The following WWOX variants were observed in gnomAD, a reference collection of about 807,000 sequenced individuals.
WWOX encodes the protein WW domain-containing oxidoreductase.
In WWOX, 69 loss-of-function variants were observed where a neutral mutation model predicts 46.2. The observed-to-expected ratio is 1.49, with a 90% CI of 1.23 to 1.82. WWOX has a LOEUF of 1.82. Ranked by LOEUF, WWOX falls within the 40% of genes most tolerant of loss-of-function variation. The probability of loss-of-function intolerance (pLI) is 0.00; values close to 1 mark genes in which losing one functional copy is unlikely to be tolerated. For synonymous variants in WWOX, 359 were observed against 202.6 expected (o/e 1.77, Z -6.56); for missense variants, 919 against 542.6 (o/e 1.69, Z -6.89).
At chr16:78,131,957 G>A (rs2033612510) in intron 4 of WWOX, among the ~76,000 whole-genome samples, 1 of 149,912 alleles carries the variant, frequency 6.7e-6, no homozygotes, top group South Asian at 2.1e-4. Context: ...AAGAACTTTT[G>A]CTATTTTGAA....
At chr16:78,648,079 C>A (rs2046884652) in intron 8 of WWOX, among the ~76,000 whole-genome samples, 1 of 152,160 alleles carries the variant, frequency 6.6e-6, no homozygotes, top group Admixed American at 6.5e-5. Flanking sequence ...GTGTGTGCCA[C>A]CTTGGAGAAG....
chr16:78,514,427 G>A (rs1040654257), intron 8 of WWOX, among the ~76,000 whole-genome samples: 7 of 152,144 alleles, frequency 4.6e-5, no homozygotes, highest in African/African-American at 7.2e-5. Context: ...GCTTGACAAA[G>A]GATAGATACA....
rs11859380 is a variant in WWOX at position 78,922,072 on chromosome 16, C to G, written c.1057-289536C>G. Among the ~76,000 whole-genome samples the G allele has an allele frequency of 6.7e-3, 1,025 of 152,238 alleles. 9 individuals carry two copies. Among genetic ancestry groups the G allele is most frequent in the African/African-American group, 0.024 (991 of 41,550 alleles). ...TGTGGCAGTATGCATGGAATATTGT[C>G]AGACAGAGAAACTCACCTGAGCCTC... is the stretch of plus-strand genomic sequence containing the variant. On this transcript the variant is annotated intron_variant, in intron 8 of 8. Transcript: ENST00000566780.
intron 5 of WWOX, among the ~76,000 whole-genome samples, chr16:78,359,344 G>C (rs1178358628): frequency 1.3e-5 from 2 of 152,146 alleles, no homozygotes; most frequent in African/African-American, 4.8e-5. Context: ...AAAGCTCTCA[G>C]GCTAATTAGT....
intron 8 of WWOX, among the ~76,000 whole-genome samples, chr16:78,566,451 T>C (rs1261131806): frequency 1.3e-5 from 2 of 152,252 alleles, no homozygotes; most frequent in Non-Finnish European, 2.9e-5. Flanking sequence ...CAAGTTTTGC[T>C]GCCTTGGGCC....
chr16:78,747,265 C>T lies in WWOX; in HGVS notation c.1056+314513C>T, dbSNP rs138632075. ...GGAGTGCAGTAGCACGATCTCGGCTCATTGCAACCTCTGCCTCCCGGGTTC... is the reference window on the plus strand; with the variant it reads ...GGAGTGCAGTAGCACGATCTCGGCTTATTGCAACCTCTGCCTCCCGGGTTC... On this transcript the variant is annotated intron_variant, in intron 8 of 8. Coordinates refer to ENST00000566780, the MANE Select transcript of WWOX (RefSeq NM_016373.4). Among the ~76,000 whole-genome samples, 20 of 149,920 alleles carry T rather than the reference C, an allele frequency of 1.3e-4. No homozygotes were observed. The East Asian group carries it at 3.8e-3, about 28-fold the overall frequency.
At chr16:79,066,523 G>T (rs1050842718) in intron 8 of WWOX, among the ~76,000 whole-genome samples, 1 of 152,188 alleles carries the variant, frequency 6.6e-6, no homozygotes, top group Non-Finnish European at 1.5e-5. Flanking sequence ...GAGGAAGGGA[G>T]GGAAGGAAGG....
intron 5 of WWOX, among the ~76,000 whole-genome samples, chr16:78,199,296 G>C (rs973437291): frequency 6.7e-6 from 1 of 149,756 alleles, no homozygotes; most frequent in Non-Finnish European, 1.5e-5. Context: ...CTGGGTGACA[G>C]AGCGAGACTC....
intron 8 of WWOX, among the ~76,000 whole-genome samples, chr16:79,030,822 C>T (rs2047737899): frequency 6.6e-6 from 1 of 152,126 alleles, no homozygotes; most frequent in Non-Finnish European, 1.5e-5. Context: ...GTGCCTCATT[C>T]CTGTAATTCT....
chr16:78,426,322 T>C (rs1208164852), intron 7 of WWOX, among the ~76,000 whole-genome samples: 1 of 152,162 alleles, frequency 6.6e-6, no homozygotes, highest in Admixed American at 6.5e-5. Context: ...CCACCAGATG[T>C]GGAGGGCACC....
Position 78,863,390 on chromosome 16 carries a change from G to T in WWOX, c.1057-348218G>T, listed in dbSNP as rs544045312. 3.9e-4 allele frequency among the ~76,000 whole-genome samples: 59 copies of T among 152,276 alleles called. 1 individual carries two copies. The highest frequency in any genetic ancestry group is 3.4e-3 in the Middle Eastern group (1 of 294). On this transcript the variant is annotated intron_variant, in intron 8 of 8. Transcript: ENST00000566780. ...TCTTAACTATGGACCTTGATGAATG[G>T]ACCCTGAGTATCTTAGAATCTTCTG...
chr16:78,416,576 G>A (rs1394820880), intron 6 of WWOX, among the ~76,000 whole-genome samples: 2 of 152,144 alleles, frequency 1.3e-5, no homozygotes, highest in Non-Finnish European at 2.9e-5. Context: ...GTCTTTGGTA[G>A]CAAGTTCCTT....
chr16:79,183,673 C>T (rs1343555566), intron 8 of WWOX, among the ~76,000 whole-genome samples: 1 of 152,164 alleles, frequency 6.6e-6, no homozygotes. Flanking sequence ...TATGTGTGAA[C>T]TCTGCATGTT....
chr16:78,989,517 T>C (rs1054363349), intron 8 of WWOX, among the ~76,000 whole-genome samples: 1 of 152,124 alleles, frequency 6.6e-6, no homozygotes, highest in African/African-American at 2.4e-5. Context: ...TCAAAGGTAG[T>C]GGGGCCAGCA....
At chr16:78,571,976 T>C (rs535685385) in intron 8 of WWOX, among the ~76,000 whole-genome samples, 1 of 152,224 alleles carries the variant, frequency 6.6e-6, no homozygotes, top group Admixed American at 6.5e-5. Flanking sequence ...TGTGGAGAAA[T>C]AGGGAATTTT....
In WWOX at chr16:78,775,297, C is replaced by A. The variant is rs540488033; in HGVS notation, c.1056+342545C>A. ...GGTTTGAAATTTATGAGTGTTTTGACTGTTCACAGCAATGCCTTTGAGAAT... is the reference window on the plus strand; with the variant it reads ...GGTTTGAAATTTATGAGTGTTTTGAATGTTCACAGCAATGCCTTTGAGAAT... On this transcript the variant is annotated intron_variant, in intron 8 of 8. Transcript: ENST00000566780. Among the ~76,000 whole-genome samples, 4 of 152,290 alleles carry A rather than the reference C, an allele frequency of 2.6e-5. No individual in the cohort carries two copies. In the South Asian group the frequency reaches 8.3e-4, roughly 32 times the overall value.
At chr16:79,039,638 C>T (rs578199280) in intron 8 of WWOX, among the ~76,000 whole-genome samples, 6 of 152,304 alleles carry the variant, frequency 3.9e-5, no homozygotes, top group South Asian at 4.1e-4. Context: ...TGACCCGGCA[C>T]CTCGGAAAGT....
In WWOX at chr16:79,212,047, A is replaced by G. The variant is rs545558540; in HGVS notation, c.*251A>G. 2.0e-6 allele frequency: 3 copies of G among 1,536,324 alleles called. No homozygotes were observed. Among genetic ancestry groups the G allele is most frequent in the South Asian group, 1.2e-5 (1 of 84,052 alleles). ...GCTTTCTGGTGGTGGCCTGTTTGAA[A>G]GTAAAAACCTGCTTGGTGTGTAGGT... is the stretch of plus-strand genomic sequence containing the variant. On this transcript the variant is annotated 3_prime_UTR_variant, in exon 9 of 9. Transcript: ENST00000566780.
chr16:79,181,418 A>G (rs2050909307), intron 8 of WWOX, among the ~76,000 whole-genome samples: 1 of 151,648 alleles, frequency 6.6e-6, no homozygotes. Flanking sequence ...AATATATGTT[A>G]TTATATACTG....
Sources: allele counts gnomAD v4.1 joint callset (sites outside exome capture counted in the v4.1 genomes callset), GRCh38; gene constraint gnomAD v4.1.1; transcripts MANE v1.5; gene names NCBI Gene and HGNC (gene_info 2026-07-23, HGNC 2026-07-21).